NTNG1: variants seen among roughly 807,000 people sequenced by gnomAD.
NTNG1 encodes the protein netrin G1, also known as netrin-G1.
NTNG1 carries 16 observed loss-of-function variants against 54.0 expected under a neutral mutation model. That is an observed-to-expected ratio of 0.30 (90% CI 0.20 to 0.45). The LOEUF (loss-of-function observed/expected upper bound fraction) is 0.45. Among genes scored for constraint, NTNG1 ranks in the 20% least tolerant of loss-of-function variants. The probability of loss-of-function intolerance (pLI) is 1.00; values close to 1 mark genes in which losing one functional copy is unlikely to be tolerated. For synonymous variants in NTNG1, 255 were observed against 263.1 expected (o/e 0.97, Z 0.30); for missense variants, 530 against 678.7 (o/e 0.78, Z 2.43).
chr1:107,160,574 TA>T (rs35909339), intron 2 of NTNG1, among the ~76,000 whole-genome samples: 44,044 of 151,922 alleles, frequency 0.29, 6,561 homozygotes, highest in African/African-American at 0.33. Context: ...GTGTATAATT[TA>T]AAAAAATCTC....
intron 7 of NTNG1, among the ~76,000 whole-genome samples, chr1:107,449,595 A>G (rs1448152131): frequency 6.6e-6 from 1 of 152,002 alleles, no homozygotes; most frequent in Non-Finnish European, 1.5e-5. Flanking sequence ...TGTTCCCTAG[A>G]TGGTCAGTGA....
At chr1:107,249,322 A>C (rs968622984) in intron 2 of NTNG1, among the ~76,000 whole-genome samples, 1 of 151,792 alleles carries the variant, frequency 6.6e-6, no homozygotes, top group Non-Finnish European at 1.5e-5. Context: ...ATCTCTACTA[A>C]AAATGCAAAA....
intron 2 of NTNG1, among the ~76,000 whole-genome samples, chr1:107,188,503 T>C (rs1193959822): frequency 6.6e-6 from 1 of 152,122 alleles, no homozygotes; most frequent in Non-Finnish European, 1.5e-5. Context: ...AGAATCCAGA[T>C]TTTTTAAAGT....
intron 7 of NTNG1, among the ~76,000 whole-genome samples, chr1:107,448,573 G>A (rs1256644045): frequency 6.6e-6 from 1 of 152,112 alleles, no homozygotes; most frequent in Admixed American, 6.6e-5. Context: ...GCACAGTGAA[G>A]TTTGAGAAGC....
chr1:107,291,759 T>C (rs751704443), intron 2 of NTNG1, among the ~76,000 whole-genome samples: 24 of 152,164 alleles, frequency 1.6e-4, no homozygotes, highest in Non-Finnish European at 2.6e-4. Context: ...TGTGAATACA[T>C]TTTCTAAATT....
intron 3 of NTNG1, among the ~76,000 whole-genome samples, chr1:107,370,412 A>T (rs140571358): frequency 1.3e-5 from 2 of 151,676 alleles, no homozygotes; most frequent in East Asian, 3.9e-4. Flanking sequence ...TTACATGAGT[A>T]AGTTCTTTAG....
intron 4 of NTNG1, among the ~76,000 whole-genome samples, chr1:107,404,082 TA>T (rs1473898598): frequency 2.8e-4 from 1 of 3,610 alleles, no homozygotes; most frequent in African/African-American, 3.0e-4. Context: ...CTTCTTAATT[TA>T]TATATATATA....
intron 7 of NTNG1, among the ~76,000 whole-genome samples, chr1:107,447,210 G>C (rs773393045): frequency 6.6e-6 from 1 of 151,868 alleles, no homozygotes; most frequent in Non-Finnish European, 1.5e-5. Flanking sequence ...TAGTATTGTT[G>C]ACCCAATGGA....
At chr1:107,414,716 A>T (rs2101192925) in intron 5 of NTNG1, among the ~76,000 whole-genome samples, 1 of 152,284 alleles carries the variant, frequency 6.6e-6, no homozygotes. Context: ...AAATAGAATG[A>T]GCTAACATTT....
chr1:107,193,506 A>G (rs1044401616), intron 2 of NTNG1, among the ~76,000 whole-genome samples: 2 of 152,018 alleles, frequency 1.3e-5, no homozygotes, highest in Non-Finnish European at 2.9e-5. Context: ...AGTAATAGCC[A>G]GAGTAGTGTC....
At chr1:107,292,776 G>A (rs1213940824) in intron 2 of NTNG1, among the ~76,000 whole-genome samples, 1 of 152,140 alleles carries the variant, frequency 6.6e-6, no homozygotes, top group African/African-American at 2.4e-5. Context: ...CCCCAGGGAA[G>A]AATCAAGGGA....
chr1:107,460,713 T>C (rs1231882825), intron 7 of NTNG1, among the ~76,000 whole-genome samples: 2 of 152,182 alleles, frequency 1.3e-5, no homozygotes, highest in African/African-American at 2.4e-5. Flanking sequence ...CTGGAAACTG[T>C]CCATCCATCA....
chr1:107,420,320 T>A (rs1233338946), intron 5 of NTNG1, among the ~76,000 whole-genome samples: 1 of 152,088 alleles, frequency 6.6e-6, no homozygotes, highest in Non-Finnish European at 1.5e-5. Context: ...AGCAAAGTTC[T>A]TAAATTCTGA....
chr1:107,421,910 C>G (rs1413859897), intron 5 of NTNG1, among the ~76,000 whole-genome samples: 2 of 152,052 alleles, frequency 1.3e-5, no homozygotes, highest in South Asian at 4.1e-4. Context: ...TAAAACACCT[C>G]TTACAAAGAA....
intron 3 of NTNG1, among the ~76,000 whole-genome samples, chr1:107,344,657 G>A: frequency 6.6e-6 from 1 of 152,008 alleles, no homozygotes; most frequent in Non-Finnish European, 1.5e-5. Context: ...TGAGGTTTGG[G>A]CCCTCTTCTT....
intron 3 of NTNG1, among the ~76,000 whole-genome samples, chr1:107,373,171 TGCA>T (rs1671029618): frequency 2.0e-5 from 3 of 152,170 alleles, no homozygotes; most frequent in Non-Finnish European, 4.4e-5. Flanking sequence ...CCTCTTTTTC[TGCA>T]TTTGTTGGGA....
intron 6 of NTNG1, among the ~76,000 whole-genome samples, chr1:107,433,671 A>G (rs647848): frequency 0.95 from 144,326 of 152,322 alleles, 68,758 homozygotes; most frequent in East Asian, 1. Flanking sequence ...AGAAAAATTT[A>G]GCTAGCTGAT....
rs1341965338 is a variant in NTNG1 at position 107,376,423 on chromosome 1, A to AAC, written c.888-18730_888-18729insCA. 2.4e-3 allele frequency among the ~76,000 whole-genome samples: 368 copies of AAC among 151,388 alleles called. 5 individuals are homozygous for AAC. Among genetic ancestry groups the AAC allele is most frequent in the African/African-American group, 7.6e-3 (314 of 41,234 alleles). On this transcript the variant is annotated intron_variant, in intron 3 of 7. Coordinates refer to ENST00000370068, the MANE Select transcript of NTNG1 (RefSeq NM_001113226.3). ...ACTCCGTCTCAAAACAAAACAAAAA[A>AAC]AAAAACAAAAAAAAAAAATTTGCTA...
chr1:107,352,411 T>C (rs906269580), intron 3 of NTNG1, among the ~76,000 whole-genome samples: 1 of 152,076 alleles, frequency 6.6e-6, no homozygotes, highest in African/African-American at 2.4e-5. Context: ...TCTACAATTA[T>C]GGTCTCTGGA....
Sources: gnomAD v4.1 joint callset for allele counts (sites outside exome capture counted in the v4.1 genomes callset) on GRCh38, gnomAD v4.1.1 for gene constraint, MANE v1.5 for transcripts, NCBI Gene and HGNC (gene_info 2026-07-23, HGNC 2026-07-21) for gene names.